Variants in CLUL1 observed in about 807,000 individuals in gnomAD.
The protein encoded by CLUL1 is clusterin like 1.
Under a neutral mutation model 49.4 loss-of-function variants are expected in CLUL1, and 43 were observed. The observed-to-expected ratio is 0.87, with a 90% CI of 0.68 to 1.12. The LOEUF (loss-of-function observed/expected upper bound fraction) is 1.12. Ranked by LOEUF, CLUL1 falls within the 50% of genes most tolerant of loss-of-function variation. CLUL1 has a pLI of 0.00. For missense variants in CLUL1, 486 were observed against 544.4 expected, an observed-to-expected ratio of 0.89 and a Z score of 1.07; for synonymous variants, 192 against 184.9, an observed-to-expected ratio of 1.04 and a Z score of -0.31.
At chr18:647,822 C>T (rs77451033) in intron 9 of CLUL1, among the ~76,000 whole-genome samples, 1 of 152,248 alleles carries the variant, frequency 6.6e-6, no homozygotes, top group Non-Finnish European at 1.5e-5. Context: ...ACCATAACAC[C>T]ATGTAGCACT....
chr18:647,347 C>G (rs1471978498), intron 9 of CLUL1, among the ~76,000 whole-genome samples: 2 of 152,164 alleles, frequency 1.3e-5, no homozygotes, highest in Admixed American at 1.3e-4. Flanking sequence ...TACCTGCCCT[C>G]TGTGAGTTTG....
At chr18:626,696 TAAAATAC>T (rs762583236) in intron 5 of CLUL1, among the ~76,000 whole-genome samples, 12 of 149,798 alleles carry the variant, frequency 8.0e-5, no homozygotes, top group Non-Finnish European at 1.6e-4. Flanking sequence ...CTGTCTGTAC[TAAAATAC>T]AAAAAAAATT....
At position 644,956 on chromosome 18, in the gene CLUL1, C is replaced by T. The variant is rs907401396; in HGVS notation, c.1256C>T (p.Thr419Ile). ...GGAAATATTTCCAAACAAGATGAAACAATGATGACAGACTTAAGCATTCTG... is the reference window on the plus strand; with the variant it reads ...GGAAATATTTCCAAACAAGATGAAATAATGATGACAGACTTAAGCATTCTG... Reference protein sequence around the residue: ...HEGNISKQDETMMTDLSILPS... With the variant: ...HEGNISKQDEIMMTDLSILPS... The change falls in exon 9 of 10, where the codon ACA (threonine) becomes ATA (isoleucine). Residue 419 changes from threonine (T) to isoleucine (I), a missense_variant. Physicochemically the swap from Thr to Ile is moderately conservative, Grantham distance 89. Coordinates refer to ENST00000692774, the MANE Select transcript of CLUL1 (RefSeq NM_001393344.1). 6.2e-7 allele frequency: 1 copy of T among 1,613,032 alleles called. No individual in the cohort carries two copies. The highest frequency in any genetic ancestry group is 8.5e-7 in the Non-Finnish European group (1 of 1,179,476).
chr18:645,789 G>GT, intron 9 of CLUL1, among the ~76,000 whole-genome samples: 1 of 18,704 alleles, frequency 5.3e-5, no homozygotes, highest in Non-Finnish European at 8.1e-5. Context: ...GCGAGACTCT[G>GT]TTTAAAAAAA....
chr18:628,626 C>A (rs932051754), intron 6 of CLUL1, among the ~76,000 whole-genome samples: 2 of 149,398 alleles, frequency 1.3e-5, no homozygotes, highest in Non-Finnish European at 3.0e-5. Context: ...ATCTATTTTT[C>A]TTTTTCTTTT....
Position 645,810 on chromosome 18 carries a change from AAT to A in CLUL1, c.1397+754_1397+755del, listed in dbSNP as rs35329822. Among the ~76,000 whole-genome samples, 268 of 29,842 alleles carry A rather than the reference AAT, an allele frequency of 9.0e-3. 3 individuals are homozygous for A. Among genetic ancestry groups the A allele is most frequent in the Middle Eastern group, 0.023 (1 of 44 alleles). The allele number at this position is 29,842 out of a possible 152,430, so 19.6% of individuals were successfully genotyped here. A position where few individuals can be genotyped will look rare whatever the true frequency, so the allele number is the denominator to read the frequency against. On this transcript the variant is annotated intron_variant, in intron 9 of 9. Transcript: ENST00000692774. Reference sequence around the variant, plus strand: ...CTCTGTTTAAAAAAAAAAAAAAAAAAATATATATATATATATATATATATATA... The same window carrying A: ...CTCTGTTTAAAAAAAAAAAAAAAAAAATATATATATATATATATATATATA...
At chr18:598,405 T>A (rs958066437) in intron 1 of CLUL1, 16 of 394,970 alleles carry the variant, frequency 4.1e-5, no homozygotes, top group Non-Finnish European at 6.7e-5. Flanking sequence ...GTAAAGGGTC[T>A]GAATTTAGAC....
intron 1 of CLUL1, among the ~76,000 whole-genome samples, chr18:598,966 A>C (rs997212381): frequency 1.3e-5 from 2 of 152,202 alleles, no homozygotes; most frequent in African/African-American, 2.4e-5. Context: ...ACTTTTTCAG[A>C]GATTGAAATA....
At chr18:600,352 T>A (rs1410425315) in intron 1 of CLUL1, among the ~76,000 whole-genome samples, 1 of 152,218 alleles carries the variant, frequency 6.6e-6, no homozygotes, top group Non-Finnish European at 1.5e-5. Context: ...TTATTGCATA[T>A]CAGGTTTCTA....
At chr18:642,057 T>C (rs2074358375) in intron 8 of CLUL1, among the ~76,000 whole-genome samples, 1 of 152,210 alleles carries the variant, frequency 6.6e-6, no homozygotes, top group Non-Finnish European at 1.5e-5. Flanking sequence ...CTGTAAATTA[T>C]AGCTCTTATT....
intron 1 of CLUL1, among the ~76,000 whole-genome samples, chr18:599,332 A>G (rs1029735677): frequency 6.6e-6 from 1 of 152,182 alleles, no homozygotes; most frequent in Non-Finnish European, 1.5e-5. Context: ...TATGATCCTT[A>G]TCTTATTTAT....
chr18:644,654 T>C (rs2074422777), intron 8 of CLUL1, among the ~76,000 whole-genome samples: 1 of 152,202 alleles, frequency 6.6e-6, no homozygotes, highest in African/African-American at 2.4e-5. Flanking sequence ...AAGAAAGTCC[T>C]GAAATCATGT....
chr18:635,604 A>T (rs75310750), intron 7 of CLUL1, among the ~76,000 whole-genome samples: 2 of 152,118 alleles, frequency 1.3e-5, no homozygotes, highest in African/African-American at 4.8e-5. Context: ...TTAACTTCCC[A>T]CAGTGAAGAC....
intron 4 of CLUL1, among the ~76,000 whole-genome samples, chr18:619,933 C>T (rs2073438996): frequency 6.6e-6 from 1 of 152,126 alleles, no homozygotes; most frequent in Admixed American, 6.5e-5. Context: ...TGGTCCCGAA[C>T]TCTGGGGCTC....
chr18:639,431 A>T (rs1598442563), intron 7 of CLUL1, among the ~76,000 whole-genome samples: 1 of 11,446 alleles, frequency 8.7e-5, no homozygotes, highest in South Asian at 3.5e-3. Context: ...ACTCCATCTC[A>T]AAAAAAAAAA....
chr18:630,508 T>C (rs1333367108), intron 6 of CLUL1, among the ~76,000 whole-genome samples: 1 of 151,924 alleles, frequency 6.6e-6, no homozygotes, highest in Non-Finnish European at 1.5e-5. Flanking sequence ...AGAAAAGAAT[T>C]AATAGTAGCA....
At chr18:613,953 T>G (rs1260994896) in intron 2 of CLUL1, among the ~76,000 whole-genome samples, 6 of 152,156 alleles carry the variant, frequency 3.9e-5, no homozygotes, top group African/African-American at 1.4e-4. Context: ...GAGAGCTTGG[T>G]GAGAATATGT....
Position 606,444 on chromosome 18 carries a change from C to G in CLUL1, c.-135-534C>G, listed in dbSNP as rs2143937543. 6.6e-6 allele frequency among the ~76,000 whole-genome samples: 1 copy of G among 152,366 alleles called. No individual in the cohort carries two copies. Among genetic ancestry groups the G allele is most frequent in the South Asian group, 2.1e-4 (1 of 4,828 alleles). ...CATCGTCCACAACGTGGAAGTCCAGCTTCCGTTCAAATCGGAGTTCTTTCT... is the reference window on the plus strand; with the variant it reads ...CATCGTCCACAACGTGGAAGTCCAGGTTCCGTTCAAATCGGAGTTCTTTCT... On this transcript the variant is annotated intron_variant, in intron 1 of 9. Coordinates refer to ENST00000692774, the MANE Select transcript of CLUL1 (RefSeq NM_001393344.1). This position sits in a 1 kb window ranked among gnomAD's most constrained non-coding sequence, Gnocchi z 4.1.
intron 9 of CLUL1, among the ~76,000 whole-genome samples, chr18:647,891 C>T (rs565339776): frequency 1.3e-5 from 2 of 152,196 alleles, no homozygotes; most frequent in African/African-American, 4.8e-5. Flanking sequence ...ATCTCCATCC[C>T]GAGACCTACA....
Sources: allele counts gnomAD v4.1 joint callset (sites outside exome capture counted in the v4.1 genomes callset), GRCh38; gene constraint gnomAD v4.1.1; non-coding constraint Gnocchi (gnomAD v3.1); transcripts MANE v1.5; gene names NCBI Gene and HGNC (gene_info 2026-07-23, HGNC 2026-07-21).